Variants in ACTR3C observed in about 807,000 individuals in gnomAD.
The protein encoded by ACTR3C is actin related protein 3C.
In ACTR3C, 18 loss-of-function variants were observed where a neutral mutation model predicts 26.3. The observed-to-expected ratio is 0.68, with a 90% CI of 0.47 to 1.01. The LOEUF (loss-of-function observed/expected upper bound fraction) is 1.01, where lower values mean the gene tolerates loss of function less well. ACTR3C is among the 50% of genes least tolerant of loss of function. The pLI is 0.00. For synonymous variants in ACTR3C, 55 were observed against 94.5 expected, an observed-to-expected ratio of 0.58 and a Z score of 2.42; for missense variants, 184 against 250.7, an observed-to-expected ratio of 0.73 and a Z score of 1.80.
chr7:150,235,269 A>G, the ACTR3C span, among the ~76,000 whole-genome samples: 6 of 152,246 alleles, frequency 3.9e-5, no homozygotes, highest in African/African-American at 1.4e-4. Flanking sequence ...TAAGCAAGAC[A>G]ACACAATAGA....
chr7:150,250,646 T>C (rs1584828740), intron 6 of ACTR3C, among the ~76,000 whole-genome samples: 1 of 151,738 alleles, frequency 6.6e-6, no homozygotes, highest in Non-Finnish European at 1.5e-5. Flanking sequence ...AGCCAGTGGG[T>C]TCTGGGGGAT....
the ACTR3C span, among the ~76,000 whole-genome samples, chr7:150,185,276 C>CGTGTGTGT: frequency 6.3e-3 from 891 of 140,908 alleles, no homozygotes; most frequent in African/African-American, 8.4e-3. Flanking sequence ...AAATGTCAGG[C>CGTGTGTGT]GTGTGTGTGT....
chr7:150,134,976 A>C, the ACTR3C span, among the ~76,000 whole-genome samples: 1 of 152,242 alleles, frequency 6.6e-6, no homozygotes, highest in Non-Finnish European at 1.5e-5. Flanking sequence ...TTCTGTTACC[A>C]CTCAGAGTAA....
At chr7:150,100,439 C>T in the ACTR3C span, among the ~76,000 whole-genome samples, 3 of 151,596 alleles carry the variant, frequency 2.0e-5, no homozygotes, top group Non-Finnish European at 4.4e-5. Context: ...ATTCCAGCAT[C>T]TTGATTTGAA....
chr7:149,971,455 G>A, the ACTR3C span, among the ~76,000 whole-genome samples: 1 of 152,108 alleles, frequency 6.6e-6, no homozygotes, highest in Non-Finnish European at 1.5e-5. Flanking sequence ...GGTCATGTTA[G>A]GATCCTTACA....
At chr7:149,914,052 A>G in the ACTR3C span, among the ~76,000 whole-genome samples, 1 of 151,384 alleles carries the variant, frequency 6.6e-6, no homozygotes, top group Non-Finnish European at 1.5e-5. Context: ...CACCCGGCTA[A>G]GTTTTTTTTT....
intron 4 of ACTR3C, among the ~76,000 whole-genome samples, chr7:150,288,248 T>C (rs184671950): frequency 6.7e-6 from 1 of 148,576 alleles, no homozygotes; most frequent in Admixed American, 6.6e-5. Context: ...AGGGTCCAAA[T>C]TGGAACCCCA....
the ACTR3C span, among the ~76,000 whole-genome samples, chr7:149,911,145 C>A: frequency 6.6e-6 from 1 of 151,828 alleles, no homozygotes; most frequent in Non-Finnish European, 1.5e-5. Context: ...AGAGCCTGAC[C>A]TTTAGAATTC....
chr7:150,173,647 G>C, the ACTR3C span, among the ~76,000 whole-genome samples: 1 of 141,366 alleles, frequency 7.1e-6, no homozygotes, highest in Admixed American at 6.8e-5. Context: ...TCTGCAGCCA[G>C]CTTGCAGAAA....
At chr7:150,185,276 C>G in the ACTR3C span, among the ~76,000 whole-genome samples, 49 of 140,874 alleles carry the variant, frequency 3.5e-4, no homozygotes, top group African/African-American at 1.3e-3. Context: ...AAATGTCAGG[C>G]GTGTGTGTGT....
At chr7:150,192,128 AG>A in the ACTR3C span, among the ~76,000 whole-genome samples, 15 of 150,832 alleles carry the variant, frequency 9.9e-5, no homozygotes, top group Non-Finnish European at 2.1e-4. Context: ...TGTATTTGCT[AG>A]TATTTTATTG....
chr7:150,090,876 T>A, the ACTR3C span, among the ~76,000 whole-genome samples: 19 of 152,334 alleles, frequency 1.2e-4, no homozygotes, highest in South Asian at 3.7e-3. Flanking sequence ...TTTTCATGGT[T>A]GAGGGGCTGA....
chr7:149,959,768 C>T, the ACTR3C span, among the ~76,000 whole-genome samples: 2 of 152,190 alleles, frequency 1.3e-5, no homozygotes, highest in Non-Finnish European at 2.9e-5. Flanking sequence ...TAGAAAATTT[C>T]TGGGATTATA....
chr7:150,188,259 T>C, the ACTR3C span, among the ~76,000 whole-genome samples: 10,357 of 150,784 alleles, frequency 0.069, 441 homozygotes, highest in African/African-American at 0.17. Flanking sequence ...ATATTTTTTC[T>C]GAGATTCATC....
chr7:150,035,244 G>A, the ACTR3C span, among the ~76,000 whole-genome samples: 4 of 98,792 alleles, frequency 4.0e-5, no homozygotes, highest in East Asian at 8.9e-4. Context: ...CTAAGAGCCA[G>A]TGGGGGAACC....
At chr7:150,299,209 C>T (rs1468159800) in intron 1 of ACTR3C, among the ~76,000 whole-genome samples, 1 of 151,444 alleles carries the variant, frequency 6.6e-6, no homozygotes, top group East Asian at 1.9e-4. Flanking sequence ...TCTCGAGCTC[C>T]TGACCTCAAG....
chr7:150,129,268 A>G, the ACTR3C span, among the ~76,000 whole-genome samples: 1 of 152,054 alleles, frequency 6.6e-6, no homozygotes, highest in Non-Finnish European at 1.5e-5. Flanking sequence ...TCTACGAGAA[A>G]CCAACAAGTA....
At chr7:149,989,715 A>G in the ACTR3C span, among the ~76,000 whole-genome samples, 1 of 152,180 alleles carries the variant, frequency 6.6e-6, no homozygotes, top group African/African-American at 2.4e-5. Flanking sequence ...TATCCTGGCC[A>G]TCCAGAACAG....
chr7:150,009,679 G>GAGCCTTC, the ACTR3C span, among the ~76,000 whole-genome samples: 582 of 152,332 alleles, frequency 3.8e-3, 7 homozygotes, highest in Admixed American at 9.2e-3. Flanking sequence ...TTTAAACTAA[G>GAGCCTTC]AGCCTTCATT....
Sources: allele counts gnomAD v4.1 joint callset (sites outside exome capture counted in the v4.1 genomes callset), GRCh38; gene constraint gnomAD v4.1.1; transcripts MANE v1.5; gene names NCBI Gene and HGNC (gene_info 2026-07-23, HGNC 2026-07-21).